Variants in WDHD1 observed in about 807,000 individuals in gnomAD.
WDHD1 encodes the protein WD repeat and HMG-box DNA-binding protein 1.
WDHD1 carries 111 observed loss-of-function variants against 135.4 expected under a neutral mutation model. That is an observed-to-expected ratio of 0.82 (90% confidence interval 0.70 to 0.96). The LOEUF is 0.96. Among genes scored for constraint, WDHD1 ranks in the 40% least tolerant of loss-of-function variants. The pLI is 0.00. For synonymous variants in WDHD1, 434 were observed against 439.0 expected, an observed-to-expected ratio of 0.99 and a Z score of 0.14; for missense variants, 1,351 against 1,336.3, an observed-to-expected ratio of 1.01 and a Z score of -0.17.
At chr14:55,015,282 G>C (rs1259721943) in intron 2 of WDHD1, among the ~76,000 whole-genome samples, 1 of 149,012 alleles carries the variant, frequency 6.7e-6, no homozygotes, top group East Asian at 2.0e-4. Context: ...AGCTACTCCA[G>C]AGGCTGAGGC....
intron 24 of WDHD1, among the ~76,000 whole-genome samples, chr14:54,946,868 C>T (rs1323917297): frequency 6.6e-6 from 1 of 151,930 alleles, no homozygotes; most frequent in East Asian, 1.9e-4. Flanking sequence ...ACGTGGCAAA[C>T]TCCATCTCTA....
intron 10 of WDHD1, among the ~76,000 whole-genome samples, chr14:54,997,570 G>A (rs1055886487): frequency 2.0e-5 from 3 of 152,118 alleles, no homozygotes; most frequent in Non-Finnish European, 4.4e-5. Context: ...AGTCCTAAAA[G>A]TTTGTGTACT....
At chr14:54,979,290 T>TG (rs141057912) in intron 16 of WDHD1, among the ~76,000 whole-genome samples, 13,630 of 152,186 alleles carry the variant, frequency 0.09, 695 homozygotes, top group South Asian at 0.16. Flanking sequence ...TAGCAGAGAC[T>TG]ATAGGTGTGT....
chr14:55,021,646 A>G (rs1260825387), intron 2 of WDHD1, among the ~76,000 whole-genome samples: 1 of 152,156 alleles, frequency 6.6e-6, no homozygotes, highest in Non-Finnish European at 1.5e-5. Flanking sequence ...TGGGCCTCCC[A>G]AAGTGCTGGG....
intron 2 of WDHD1, among the ~76,000 whole-genome samples, chr14:55,019,901 C>A (rs1260808928): frequency 1.3e-5 from 2 of 152,114 alleles, no homozygotes; most frequent in Non-Finnish European, 2.9e-5. Flanking sequence ...AGTGTCTGGG[C>A]ATGAAGATTA....
intron 2 of WDHD1, among the ~76,000 whole-genome samples, chr14:55,023,815 A>G (rs1052623868): frequency 2.0e-5 from 3 of 152,244 alleles, no homozygotes; most frequent in Admixed American, 1.3e-4. Context: ...TACAGTATAT[A>G]CTACAGTTAA....
At chr14:55,025,919 G>C (rs770913221) in intron 2 of WDHD1, among the ~76,000 whole-genome samples, 20 of 152,152 alleles carry the variant, frequency 1.3e-4, no homozygotes, top group Non-Finnish European at 2.2e-4. Flanking sequence ...TTCAGATGGC[G>C]TCTCAAGAAA....
chr14:54,944,415 C>CA lies in WDHD1; in HGVS notation c.3105dup (p.Asp1036Ter). On this transcript the variant is annotated frameshift_variant, in exon 25 of 26. Transcript: ENST00000360586. LOFTEE classifies it high-confidence loss of function. ...GCTTCATCTGAAAAGTCAGGATTGT[C>CA]AGACAAAATATTACTTCTATTTTCT... The CA allele has an allele frequency of 6.2e-7, 1 of 1,608,254 alleles. No individual in the cohort carries two copies.
At position 54,944,467 on chromosome 14, in the gene WDHD1, T is replaced by C. The variant is rs773538762; in HGVS notation, c.3054A>G (p.Pro1018=). 2 of 1,580,974 alleles carry C rather than the reference T, an allele frequency of 1.3e-6. No homozygotes were observed. The highest frequency in any genetic ancestry group is 4.1e-5 in the Admixed American group (2 of 48,852). Residue 1018 remains proline, a synonymous_variant, in exon 25 of 26, where the codon CCA becomes CCG. Coordinates refer to ENST00000360586, the MANE Select transcript of WDHD1 (RefSeq NM_007086.4). The part of the protein sequence containing the change: ...CPPQNTENQR[P]KTGFQMWLEE... ...CTAACCACATCTGGAACCCGGTCTT[T>C]GGCCTAAAATCACAATTATGTGAAA...
chr14:54,974,782 G>C (rs1201662068), intron 16 of WDHD1, among the ~76,000 whole-genome samples: 1 of 152,168 alleles, frequency 6.6e-6, no homozygotes, highest in Non-Finnish European at 1.5e-5. Context: ...AGATGAGATT[G>C]TGCCACTGTA....
At chr14:55,020,902 G>A (rs2042334967) in intron 2 of WDHD1, among the ~76,000 whole-genome samples, 1 of 152,136 alleles carries the variant, frequency 6.6e-6, no homozygotes, top group Admixed American at 6.6e-5. Flanking sequence ...AAATCATAAA[G>A]AGGAGAAAAA....
intron 3 of WDHD1, among the ~76,000 whole-genome samples, chr14:55,011,524 C>CAAAAAAAAAAA (rs60615259): frequency 2.0e-4 from 10 of 50,996 alleles, no homozygotes; most frequent in African/African-American, 8.1e-4. Context: ...AACTCTGTCT[C>CAAAAAAAAAAA]AAAAAAAAAA....
At chr14:54,950,910 C>T (rs79590152) in intron 24 of WDHD1, among the ~76,000 whole-genome samples, 2 of 152,136 alleles carry the variant, frequency 1.3e-5, no homozygotes, top group South Asian at 2.1e-4. Flanking sequence ...GGGTACATAA[C>T]GAAATGAAGG....
Position 54,941,672 on chromosome 14 carries a change from T to G in WDHD1, c.3208A>C (p.Lys1070Gln), listed in dbSNP as rs769618478. The G allele has an allele frequency of 6.2e-7, 1 of 1,613,672 alleles. No individual in the cohort carries two copies. The change falls in exon 26 of 26, where the codon AAA becomes CAA. Residue 1070 changes from lysine to glutamine, a missense_variant. Physicochemically the swap from Lys to Gln is moderately conservative, Grantham distance 53. Around this residue, in one of 2 missense-constraint regions of WDHD1, gnomAD observed 1,330 missense variants for 1,296.1 expected, o/e 1.03. Coordinates refer to ENST00000360586, the MANE Select transcript of WDHD1 (RefSeq NM_007086.4). ...EERKVWANKAKGETASEGTEA... is the reference protein window; with the variant it reads ...EERKVWANKAQGETASEGTEA... ...GTTCCTTCACTTGCCGTTTCTCCTT[T>G]GGCTTTGTTAGCCCACACCTTTGTA...
intron 2 of WDHD1, among the ~76,000 whole-genome samples, chr14:55,022,634 A>G (rs2140234631): frequency 6.6e-6 from 1 of 152,038 alleles, no homozygotes; most frequent in Middle Eastern, 3.4e-3. Flanking sequence ...GTGAGCTAAG[A>G]TCGCGCCACT....
chr14:55,023,380 AAC>A (rs1350741691), intron 2 of WDHD1, among the ~76,000 whole-genome samples: 2 of 152,340 alleles, frequency 1.3e-5, no homozygotes, highest in Admixed American at 1.3e-4. Flanking sequence ...TAGCTGCAGT[AAC>A]AGTGTCTCAA....
intron 10 of WDHD1, among the ~76,000 whole-genome samples, chr14:55,000,251 A>T (rs576741492): frequency 8.5e-5 from 13 of 152,320 alleles, no homozygotes; most frequent in African/African-American, 3.1e-4. Context: ...ACCTGATACA[A>T]AATAGTATTT....
chr14:55,018,681 A>G (rs887678734), intron 2 of WDHD1, among the ~76,000 whole-genome samples: 1 of 152,204 alleles, frequency 6.6e-6, no homozygotes, highest in Non-Finnish European at 1.5e-5. Context: ...AAATTCTTAA[A>G]AATTATGACT....
chr14:55,013,621 A>G, intron 2 of WDHD1, 25 bp from the exon 3 acceptor site: 1 of 1,577,474 alleles, frequency 6.3e-7, no homozygotes, highest in Non-Finnish European at 8.7e-7. Context: ...CACAAATTAA[A>G]GTCATCGGGC....
Sources: allele counts gnomAD v4.1 joint callset (sites outside exome capture counted in the v4.1 genomes callset), GRCh38; gene constraint gnomAD v4.1.1; regional missense constraint gnomAD v4.1.1; transcripts MANE v1.5; gene names NCBI Gene and HGNC (gene_info 2026-07-23, HGNC 2026-07-21).